Variants in SEMA3E observed in about 807,000 individuals in gnomAD.
The protein encoded by SEMA3E is semaphorin-3E.
A neutral mutation model predicts 93.6 loss-of-function variants in SEMA3E; 49 were observed. The observed-to-expected ratio is 0.52, with a 90% CI of 0.42 to 0.66. The LOEUF (loss-of-function observed/expected upper bound fraction) is 0.66, where lower values mean the gene tolerates loss of function less well. SEMA3E is among the 30% of genes least tolerant of loss of function. The probability of loss-of-function intolerance (pLI) is 0.00; values close to 1 mark genes in which losing one functional copy is unlikely to be tolerated. For synonymous variants in SEMA3E, 363 were observed against 330.7 expected, an observed-to-expected ratio of 1.10 and a Z score of -1.06; for missense variants, 906 against 964.8, an observed-to-expected ratio of 0.94 and a Z score of 0.81.
intron 1 of SEMA3E, among the ~76,000 whole-genome samples, chr7:83,526,359 A>G (rs764624155): frequency 1.3e-5 from 2 of 152,034 alleles, no homozygotes; most frequent in Non-Finnish European, 2.9e-5. Context: ...GTGCAAAGAT[A>G]CTCTGTTCTA....
At chr7:83,591,215 A>G (rs1792751474) in intron 1 of SEMA3E, among the ~76,000 whole-genome samples, 1 of 151,804 alleles carries the variant, frequency 6.6e-6, no homozygotes, top group Non-Finnish European at 1.5e-5. Context: ...CAAAATATAA[A>G]CACACTCTCA....
At chr7:83,479,157 C>T (rs115380481) in intron 2 of SEMA3E, among the ~76,000 whole-genome samples, 282 of 152,290 alleles carry the variant, frequency 1.9e-3, no homozygotes, top group African/African-American at 6.4e-3. Context: ...CATCTATTTA[C>T]TTCAGCCGAA....
chr7:83,433,416 A>G (rs148682754), intron 4 of SEMA3E, among the ~76,000 whole-genome samples: 2 of 152,244 alleles, frequency 1.3e-5, no homozygotes, highest in African/African-American at 4.8e-5. Context: ...ACTCTTGCTC[A>G]TATCCCAGAT....
intron 1 of SEMA3E, among the ~76,000 whole-genome samples, chr7:83,618,712 C>T (rs1400389513): frequency 6.6e-6 from 1 of 151,962 alleles, no homozygotes; most frequent in East Asian, 1.9e-4. Flanking sequence ...ATATAAAAGA[C>T]AGTTCAACTA....
intron 2 of SEMA3E, among the ~76,000 whole-genome samples, chr7:83,489,468 G>A (rs1017977928): frequency 9.9e-5 from 15 of 151,314 alleles, no homozygotes; most frequent in Admixed American, 1.3e-4. Flanking sequence ...TAAAGAAAGT[G>A]TATTACATAA....
In SEMA3E at chr7:83,637,145, T is replaced by C. The variant is rs1200870259; in HGVS notation, c.115+11283A>G. On this transcript the variant is annotated intron_variant, in intron 1 of 16. Coordinates refer to ENST00000643230, the MANE Select transcript of SEMA3E (RefSeq NM_012431.3). ...AGTTCCCCTATACCTATACCTAGCT[T>C]CCCTTGTTTACAATATACATTGTAT... Among the ~76,000 whole-genome samples the C allele has an allele frequency of 2.0e-5, 3 of 152,146 alleles. No homozygotes were observed. The East Asian group carries it at 5.8e-4, about 29-fold the overall frequency.
chr7:83,544,834 C>T (rs1325337147), intron 1 of SEMA3E, among the ~76,000 whole-genome samples: 1 of 151,808 alleles, frequency 6.6e-6, no homozygotes, highest in Admixed American at 6.6e-5. Context: ...TATGCCACTG[C>T]TTCATATCTC....
intron 1 of SEMA3E, among the ~76,000 whole-genome samples, chr7:83,605,445 T>TA (rs1467025292): frequency 6.6e-6 from 1 of 151,898 alleles, no homozygotes; most frequent in East Asian, 1.9e-4. Context: ...TTTTTTTTTT[T>TA]ATTGAGATGG....
chr7:83,639,009 G>T (rs931038807), intron 1 of SEMA3E, among the ~76,000 whole-genome samples: 1 of 149,214 alleles, frequency 6.7e-6, no homozygotes, highest in Non-Finnish European at 1.5e-5. Context: ...TACTTGGGAG[G>T]CTGAGGCAGG....
chr7:83,391,186 T>G (rs1224929100), intron 14 of SEMA3E, among the ~76,000 whole-genome samples: 2 of 152,114 alleles, frequency 1.3e-5, no homozygotes, highest in Admixed American at 6.6e-5. Context: ...TTTTCTTATA[T>G]CTCTACCTTC....
At chr7:83,601,182 G>C (rs1235015748) in intron 1 of SEMA3E, among the ~76,000 whole-genome samples, 1 of 152,180 alleles carries the variant, frequency 6.6e-6, no homozygotes, top group Non-Finnish European at 1.5e-5. Flanking sequence ...AAGGGACACA[G>C]ACCTAACAAC....
chr7:83,484,501 C>T (rs117870690), intron 2 of SEMA3E, among the ~76,000 whole-genome samples: 2 of 152,154 alleles, frequency 1.3e-5, no homozygotes, highest in African/African-American at 4.8e-5. Context: ...TCAAATCAGC[C>T]TGAGGTACAT....
chr7:83,465,850 T>G (rs1019448968), intron 4 of SEMA3E, among the ~76,000 whole-genome samples: 2 of 152,210 alleles, frequency 1.3e-5, no homozygotes, highest in Non-Finnish European at 2.9e-5. Context: ...ATAGGTTATA[T>G]GACTGATCTT....
chr7:83,530,547 C>T (rs1025348260), intron 1 of SEMA3E, among the ~76,000 whole-genome samples: 4 of 152,188 alleles, frequency 2.6e-5, no homozygotes, highest in African/African-American at 4.8e-5. Context: ...ATTCATTCTA[C>T]GTGAAACAAT....
intron 13 of SEMA3E, among the ~76,000 whole-genome samples, chr7:83,393,384 A>C (rs1227146427): frequency 6.6e-6 from 1 of 152,060 alleles, no homozygotes; most frequent in East Asian, 1.9e-4. Context: ...AAATACAAAA[A>C]TTAGCTGGTA....
intron 1 of SEMA3E, among the ~76,000 whole-genome samples, chr7:83,544,897 G>A (rs1217357559): frequency 6.6e-6 from 1 of 151,954 alleles, no homozygotes; most frequent in Non-Finnish European, 1.5e-5. Flanking sequence ...TCCTTGACTT[G>A]AACGAAATAT....
intron 1 of SEMA3E, among the ~76,000 whole-genome samples, chr7:83,608,505 T>C (rs1178248741): frequency 6.6e-6 from 1 of 152,186 alleles, no homozygotes; most frequent in African/African-American, 2.4e-5. Flanking sequence ...TATCATTGAA[T>C]TTATAGTACA....
chr7:83,372,056 G>A (rs1794756154), intron 16 of SEMA3E: 1 of 382,530 alleles, frequency 2.6e-6, no homozygotes, highest in Non-Finnish European at 4.6e-6. Context: ...ATCCTATAAT[G>A]AGTAAAGAAT....
At chr7:83,430,440 G>A (rs1788858201) in intron 4 of SEMA3E, among the ~76,000 whole-genome samples, 1 of 151,908 alleles carries the variant, frequency 6.6e-6, no homozygotes, top group Non-Finnish European at 1.5e-5. Context: ...ACTCCAGCCT[G>A]GGTGACGTTA....
Sources: gnomAD v4.1 joint callset for allele counts (sites outside exome capture counted in the v4.1 genomes callset) on GRCh38, gnomAD v4.1.1 for gene constraint, MANE v1.5 for transcripts, NCBI Gene and HGNC (gene_info 2026-07-23, HGNC 2026-07-21) for gene names.